NRXN1: variants seen among roughly 807,000 people sequenced by gnomAD.
NRXN1 encodes neurexin-1.
In NRXN1, 39 loss-of-function variants were observed where a neutral mutation model predicts 150.9. The observed-to-expected ratio is 0.26, with a 90% confidence interval of 0.20 to 0.34. The LOEUF is 0.34. Ranked by LOEUF, NRXN1 falls within the 10% of genes least tolerant of loss-of-function variation. The pLI, the probability that NRXN1 is intolerant of heterozygous loss-of-function variation, is 1.00. For synonymous variants in NRXN1, 924 were observed against 757.0 expected (o/e 1.22, Z -3.62); for missense variants, 1,815 against 1,949.9 (o/e 0.93, Z 1.30).
At chr2:50,785,497 C>A (rs2105551289) in intron 5 of NRXN1, among the ~76,000 whole-genome samples, 1 of 152,252 alleles carries the variant, frequency 6.6e-6, no homozygotes, top group African/African-American at 2.4e-5. Flanking sequence ...GTCCGCCCGC[C>A]TTGGCCTCCC....
intron 17 of NRXN1, among the ~76,000 whole-genome samples, chr2:50,258,116 T>C (rs2067892521): frequency 6.6e-6 from 1 of 152,068 alleles, no homozygotes; most frequent in African/African-American, 2.4e-5. Flanking sequence ...TGGTGGCTGC[T>C]GAAGGTTGAG....
intron 18 of NRXN1, among the ~76,000 whole-genome samples, chr2:50,173,370 A>G (rs1277700677): frequency 1.3e-5 from 2 of 152,224 alleles, no homozygotes; most frequent in African/African-American, 4.8e-5. Context: ...ATGGCAATGC[A>G]TAACAGGAAT....
intron 5 of NRXN1, among the ~76,000 whole-genome samples, chr2:50,921,327 T>A (rs554842433): frequency 6.6e-6 from 1 of 151,836 alleles, no homozygotes; most frequent in African/African-American, 2.4e-5. Context: ...AAAGTTAGTA[T>A]GCATAAAAAG....
In NRXN1 at chr2:51,027,563, C is replaced by A; in HGVS notation, c.711G>T (p.Val237=). ...VCLNGGVCSV[V]DDQAVCDCSR... ...AGCAGTCGCACACGGCCTGGTCGTC[C>A]ACCACGGAGCACACACCTCCGTTGA... The change falls in exon 2 of 23, where the codon GTG becomes GTT. Residue 237 remains valine (V), a synonymous_variant. Coordinates refer to ENST00000401669, the MANE Select transcript of NRXN1 (RefSeq NM_001330078.2). 6.3e-7 allele frequency: 1 copy of A among 1,597,500 alleles called. No homozygotes were observed. Among genetic ancestry groups the A allele is most frequent in the Non-Finnish European group, 8.6e-7 (1 of 1,168,728 alleles).
chr2:50,740,753 T>C (rs1000612772), intron 5 of NRXN1, among the ~76,000 whole-genome samples: 1 of 152,090 alleles, frequency 6.6e-6, no homozygotes, highest in African/African-American at 2.4e-5. Context: ...ATATTTAGTG[T>C]AGGAGAGTTA....
chr2:50,351,010 CTCTG>C (rs2078371243), intron 17 of NRXN1, among the ~76,000 whole-genome samples: 1 of 152,136 alleles, frequency 6.6e-6, no homozygotes, highest in Non-Finnish European at 1.5e-5. Context: ...AGGAGCAATT[CTCTG>C]TCTAGATAGT....
intron 19 of NRXN1, among the ~76,000 whole-genome samples, chr2:50,062,428 G>A (rs935613646): frequency 3.9e-5 from 6 of 152,190 alleles, no homozygotes; most frequent in Non-Finnish European, 5.9e-5. Context: ...CTAGTCTTCC[G>A]AATTGAAAGA....
intron 12 of NRXN1, chr2:50,526,872 G>T (rs755909930): frequency 2.0e-5 from 3 of 152,080 alleles, no homozygotes; most frequent in African/African-American, 4.8e-5. Flanking sequence ...GTCCTCAAAG[G>T]TATTATTCTG....
chr2:50,688,250 C>A (rs1408181922), intron 5 of NRXN1, among the ~76,000 whole-genome samples: 1 of 152,094 alleles, frequency 6.6e-6, no homozygotes, highest in East Asian at 1.9e-4. Flanking sequence ...CTATGGGGTC[C>A]CCAAGTGCTT....
intron 2 of NRXN1, among the ~76,000 whole-genome samples, chr2:50,989,123 G>A (rs1038869529): frequency 6.6e-6 from 1 of 151,818 alleles, no homozygotes; most frequent in Non-Finnish European, 1.5e-5. Flanking sequence ...ATCCCAATTG[G>A]AGGGATAATC....
At chr2:51,010,722 G>C (rs1667715810) in intron 2 of NRXN1, among the ~76,000 whole-genome samples, 1 of 151,522 alleles carries the variant, frequency 6.6e-6, no homozygotes, top group South Asian at 2.1e-4. Context: ...TCCATCCAAA[G>C]ATGCACAAGA....
Position 50,495,930 on chromosome 2 carries a change from G to C in NRXN1, c.3045C>G (p.Ala1015=). The C allele has an allele frequency of 6.2e-7, 1 of 1,608,272 alleles. No individual in the cohort carries two copies. The highest frequency in any genetic ancestry group is 1.1e-5 in the South Asian group (1 of 90,178). The change falls in exon 15 of 23, where the codon GCC becomes GCG. Residue 1015 remains alanine (A), a synonymous_variant. Coordinates refer to ENST00000401669, the MANE Select transcript of NRXN1 (RefSeq NM_001330078.2). ...TCTTGAGGTCTAAGTTCCTGGCTCC[G>C]GCGGTGATTTGCGTTGTGATTTTTG... The part of the protein sequence containing the change: ...IDTKITTQIT[A]GARNLDLKSD...
In NRXN1 at chr2:51,030,386, T is replaced by C. The variant is rs570298468; in HGVS notation, c.-921-1192A>G. ...ACTAGCAGTAATTTATGGCACCGCA[T>C]TGTGCTGCTGCTTCTCCATGGGGGG... is the stretch of plus-strand genomic sequence containing the variant. On this transcript the variant is annotated intron_variant, in intron 1 of 22. Transcript: ENST00000401669. Among the ~76,000 whole-genome samples, 19 of 152,172 alleles carry C rather than the reference T, an allele frequency of 1.2e-4. No individual in the cohort carries two copies. The South Asian group carries it at 3.9e-3, about 32-fold the overall frequency.
rs191138625 is a variant in NRXN1 at position 50,215,547 on chromosome 2, T to C, written c.3546+21242A>G. Among the ~76,000 whole-genome samples, 747 of 152,154 alleles carry C rather than the reference T, an allele frequency of 4.9e-3. 9 individuals carry two copies. The highest frequency in any genetic ancestry group is 0.017 in the African/African-American group (708 of 41,556). ...TGAAATCAGAAAACCTAAACTCTGA[T>C]CATTGCTTATCCTTTTATTAGTCAT... On this transcript the variant is annotated intron_variant, in intron 18 of 22. Coordinates refer to ENST00000401669, the MANE Select transcript of NRXN1 (RefSeq NM_001330078.2).
At chr2:50,107,422 T>C (rs1445958942) in intron 18 of NRXN1, among the ~76,000 whole-genome samples, 4 of 151,202 alleles carry the variant, frequency 2.6e-5, no homozygotes, top group Admixed American at 1.3e-4. Context: ...AAAGAGATTA[T>C]TAGGGGCTGT....
chr2:50,512,690 TTGTC>T (rs1270776192), intron 12 of NRXN1, among the ~76,000 whole-genome samples: 1 of 152,186 alleles, frequency 6.6e-6, no homozygotes, highest in Non-Finnish European at 1.5e-5. Context: ...CATTACCTAA[TTGTC>T]TGGCCAAAGT....
intron 17 of NRXN1, among the ~76,000 whole-genome samples, chr2:50,425,475 A>G (rs2104309768): frequency 6.6e-6 from 1 of 152,242 alleles, no homozygotes; most frequent in East Asian, 1.9e-4. Context: ...ATGGCATCCT[A>G]GTTTTTATTT....
chr2:50,829,641 A>G lies in NRXN1; in HGVS notation c.832+92228T>C, dbSNP rs1234023150. ...TTTACTACTGGGGATTCCAGTAGCC[A>G]GGTTGGTACGGGACGGCATCATAAC... On this transcript the variant is annotated intron_variant, in intron 5 of 22. Coordinates refer to ENST00000401669, the MANE Select transcript of NRXN1 (RefSeq NM_001330078.2). 1.7e-5 allele frequency: 28 copies of G among 1,611,874 alleles called. No homozygotes were observed. The South Asian group carries it at 2.1e-4, about 12-fold the overall frequency.
At chr2:50,797,994 T>C (rs1707085001) in intron 5 of NRXN1, among the ~76,000 whole-genome samples, 1 of 152,170 alleles carries the variant, frequency 6.6e-6, no homozygotes, top group African/African-American at 2.4e-5. Context: ...ATTTGATATT[T>C]GTTATTTGAG....
Sources: allele counts gnomAD v4.1 joint callset (sites outside exome capture counted in the v4.1 genomes callset), GRCh38; gene constraint gnomAD v4.1.1; transcripts MANE v1.5; gene names NCBI Gene and HGNC (gene_info 2026-07-23, HGNC 2026-07-21).